Variants in OSBPL10 observed in about 807,000 individuals in gnomAD.
OSBPL10 encodes the protein oxysterol binding protein like 10.
A neutral mutation model predicts 81.7 loss-of-function variants in OSBPL10; 49 were observed. That is an observed-to-expected ratio of 0.60 (90% confidence interval 0.48 to 0.76). The LOEUF (loss-of-function observed/expected upper bound fraction) is 0.76. OSBPL10 is among the 30% of genes least tolerant of loss of function. The pLI is 0.00. For synonymous variants in OSBPL10, 419 were observed against 383.6 expected (o/e 1.09, Z -1.08); for missense variants, 923 against 987.8 (o/e 0.93, Z 0.88).
intron 2 of OSBPL10, among the ~76,000 whole-genome samples, chr3:32,043,120 T>C (rs9844614): frequency 0.044 from 6,669 of 152,090 alleles, 418 homozygotes; most frequent in African/African-American, 0.13. Context: ...TTATCTCAAC[T>C]GCATAAGACA....
chr3:32,038,841 C>T (rs1260640836), intron 2 of OSBPL10, among the ~76,000 whole-genome samples: 1 of 151,994 alleles, frequency 6.6e-6, no homozygotes, highest in Non-Finnish European at 1.5e-5. Context: ...AAATTATAAC[C>T]TAATAAAGCA....
chr3:31,738,607 T>C (rs190213010), intron 5 of OSBPL10, among the ~76,000 whole-genome samples: 7 of 152,170 alleles, frequency 4.6e-5, no homozygotes, highest in Admixed American at 6.5e-5. Context: ...ATGCTATCTG[T>C]GCATTGCCTC....
chr3:31,926,084 G>T (rs1339040754), intron 1 of OSBPL10, among the ~76,000 whole-genome samples: 1 of 152,076 alleles, frequency 6.6e-6, no homozygotes, highest in African/African-American at 2.4e-5. Flanking sequence ...ATAAAGTATT[G>T]TATTTCTAGT....
intron 4 of OSBPL10, among the ~76,000 whole-genome samples, chr3:31,797,518 C>A (rs1186278654): frequency 2.6e-5 from 4 of 152,160 alleles, no homozygotes; most frequent in Non-Finnish European, 5.9e-5. Flanking sequence ...GCAATCGCCT[C>A]ATGCAAACCG....
chr3:31,679,362 C>A (rs1384659673), intron 8 of OSBPL10, among the ~76,000 whole-genome samples: 1 of 152,176 alleles, frequency 6.6e-6, no homozygotes, highest in African/African-American at 2.4e-5. Flanking sequence ...TCCGACCCTC[C>A]TGTTGGAGCA....
chr3:31,684,162 A>G, intron 7 of OSBPL10, 48 bp from the exon 8 acceptor site: 2 of 1,587,330 alleles, frequency 1.3e-6, no homozygotes, highest in South Asian at 2.3e-5. Flanking sequence ...GATTACACGG[A>G]AAAGCTGAAA....
chr3:31,777,162 A>T (rs2125760893), intron 4 of OSBPL10, among the ~76,000 whole-genome samples: 1 of 152,364 alleles, frequency 6.6e-6, no homozygotes, highest in South Asian at 2.1e-4. Context: ...CACATTGTGA[A>T]GGGACTCCTG....
intron 1 of OSBPL10, among the ~76,000 whole-genome samples, chr3:31,928,762 CAA>C (rs58345341): frequency 1.5e-4 from 14 of 95,078 alleles, no homozygotes; most frequent in Admixed American, 1.0e-4. Flanking sequence ...GACTTGTCTC[CAA>C]AAAAAAAAAA....
chr3:31,729,619 C>A (rs1391835464), intron 6 of OSBPL10, among the ~76,000 whole-genome samples: 1 of 151,908 alleles, frequency 6.6e-6, no homozygotes, highest in East Asian at 1.9e-4. Context: ...TGGGGTTTTA[C>A]CATGTTGGTC....
At chr3:31,870,445 G>A (rs562944088) in intron 3 of OSBPL10, among the ~76,000 whole-genome samples, 22 of 152,294 alleles carry the variant, frequency 1.4e-4, no homozygotes, top group South Asian at 1.0e-3. Flanking sequence ...GACGAGCGCC[G>A]CCCCCTACTC....
In OSBPL10 at chr3:31,809,697, T is replaced by C. The variant is rs1699623291; in HGVS notation, c.729+20343A>G. On this transcript the variant is annotated intron_variant, in intron 4 of 11. Coordinates refer to ENST00000396556, the MANE Select transcript of OSBPL10 (RefSeq NM_017784.5). ...TGTGACAACATGTAAAGTATTGTAG[T>C]TCTGGAATATGAATGTGCCAACAAA... Among the ~76,000 whole-genome samples, 3 of 152,268 alleles carry C rather than the reference T, an allele frequency of 2.0e-5. 1 individual carries two copies. The South Asian group carries it at 6.2e-4, about 32-fold the overall frequency.
Position 31,664,499 on chromosome 3 carries a change from T to A in OSBPL10, c.2097-267A>T. The A allele has an allele frequency of 8.9e-6, 5 of 560,196 alleles. No homozygotes were observed. In the South Asian group the frequency reaches 1.1e-4, roughly 12 times the overall value. 34.7% of individuals were successfully genotyped at this position (560,196 alleles called of 1,614,324 possible). A position where few individuals can be genotyped will look rare whatever the true frequency, so the allele number is the denominator to read the frequency against. Reference sequence around the variant, plus strand: ...AGATTCTGGGAATCAAATCTAATAGTAGTAGTTGGCATTCTGCTACTACTA... The same window carrying A: ...AGATTCTGGGAATCAAATCTAATAGAAGTAGTTGGCATTCTGCTACTACTA... On this transcript the variant is annotated intron_variant, in intron 10 of 11. Coordinates refer to ENST00000396556, the MANE Select transcript of OSBPL10 (RefSeq NM_017784.5).
At chr3:31,746,450 G>A (rs1269550075) in intron 5 of OSBPL10, among the ~76,000 whole-genome samples, 4 of 151,960 alleles carry the variant, frequency 2.6e-5, no homozygotes, top group South Asian at 2.1e-4. Context: ...AGGCTGAGGC[G>A]GGAGGATCAC....
At chr3:31,945,889 A>T (rs1697688479) in intron 1 of OSBPL10, among the ~76,000 whole-genome samples, 1 of 152,190 alleles carries the variant, frequency 6.6e-6, no homozygotes, top group African/African-American at 2.4e-5. Context: ...ATTATGACTA[A>T]AAAAATCCAA....
At chr3:31,919,249 G>A (rs949077237) in intron 1 of OSBPL10, 9 of 152,164 alleles carry the variant, frequency 5.9e-5, no homozygotes, top group Non-Finnish European at 1.0e-4. Flanking sequence ...AAATAAGTCT[G>A]ACATATCAAA....
At chr3:32,068,977 A>C (rs1699804633) in intron 1 of OSBPL10, among the ~76,000 whole-genome samples, 1 of 150,604 alleles carries the variant, frequency 6.6e-6, no homozygotes, top group Admixed American at 6.6e-5. Flanking sequence ...CCCTTCTATT[A>C]CCTCCCCTCC....
In OSBPL10 at chr3:31,856,066, T is replaced by C. The variant is rs574826621; in HGVS notation, c.537+20367A>G. On this transcript the variant is annotated intron_variant, in intron 3 of 11. Coordinates refer to ENST00000396556, the MANE Select transcript of OSBPL10 (RefSeq NM_017784.5). ...TATATGTTATATACATTTATGTTTA[T>C]ATTACACACACACACACACACACAC... Among the ~76,000 whole-genome samples the C allele has an allele frequency of 9.7e-4, 125 of 128,858 alleles. 1 individual carries two copies. Among genetic ancestry groups the C allele is most frequent in the Non-Finnish European group, 1.4e-3 (86 of 62,856 alleles). The allele number at this position is 128,858 out of a possible 152,430, so 84.5% of individuals were successfully genotyped here.
intron 2 of OSBPL10, among the ~76,000 whole-genome samples, chr3:32,021,241 T>C (rs774037033): frequency 2.0e-5 from 3 of 152,236 alleles, no homozygotes; most frequent in Non-Finnish European, 4.4e-5. Flanking sequence ...ACAGTGATTC[T>C]TTGTGGGTAG....
chr3:31,995,253 T>A (rs1699078281), intron 2 of OSBPL10, among the ~76,000 whole-genome samples: 1 of 152,050 alleles, frequency 6.6e-6, no homozygotes. Context: ...AGCCTGAGAG[T>A]ACTGCAGGAG....
Sources: gnomAD v4.1 joint callset for allele counts (sites outside exome capture counted in the v4.1 genomes callset) on GRCh38, gnomAD v4.1.1 for gene constraint, MANE v1.5 for transcripts, NCBI Gene and HGNC (gene_info 2026-07-23, HGNC 2026-07-21) for gene names.